ATF6B: variants seen among roughly 807,000 people sequenced by gnomAD.
The protein encoded by ATF6B is cyclic AMP-dependent transcription factor ATF-6 beta.
Under a neutral mutation model 83.5 loss-of-function variants are expected in ATF6B, and 50 were observed. That is an observed-to-expected ratio of 0.60 (90% CI 0.48 to 0.76). ATF6B has a LOEUF of 0.76. ATF6B is among the 30% of genes least tolerant of loss of function. ATF6B has a pLI of 0.00. For synonymous variants in ATF6B, 344 were observed against 362.8 expected (o/e 0.95, Z 0.59); for missense variants, 790 against 893.8 (o/e 0.88, Z 1.48).
chr6:32,118,942 C>T lies in ATF6B; in HGVS notation c.1152+14G>A. On this transcript the variant is annotated intron_variant, in intron 10 of 17. Transcript: ENST00000375203. This position sits in a 1 kb window ranked among gnomAD's most constrained non-coding sequence, Gnocchi z 5.2. ...TGTATTCCTGTTGGTCTCCCAGGGA[C>T]AGACTGGTCTTACTTCAGCCAGCAG... 6.2e-7 allele frequency: 1 copy of T among 1,614,032 alleles called. No homozygotes were observed. The highest frequency in any genetic ancestry group is 8.5e-7 in the Non-Finnish European group (1 of 1,179,896).
In ATF6B at chr6:32,117,189, C is replaced by A; in HGVS notation, c.1615-82G>T. 1 of 1,541,506 alleles carries A rather than the reference C, an allele frequency of 6.5e-7. No individual in the cohort carries two copies. Among genetic ancestry groups the A allele is most frequent in the Non-Finnish European group, 8.9e-7 (1 of 1,123,786 alleles). Reference sequence around the variant, plus strand: ...AAACAGCCCCTGGAAGCTGATGCCACCTCCCACTCAACCCTCCACTTCCTT... The same window carrying A: ...AAACAGCCCCTGGAAGCTGATGCCAACTCCCACTCAACCCTCCACTTCCTT... On this transcript the variant is annotated intron_variant, in intron 14 of 17. Transcript: ENST00000375203. The surrounding 1 kb of genome is among the most constrained non-coding windows in gnomAD (Gnocchi z 5.0).
intron 1 of ATF6B, 101 bp from the exon 2 acceptor site, chr6:32,127,851 C>T (rs1234623896): frequency 7.6e-7 from 1 of 1,314,744 alleles, no homozygotes; most frequent in Admixed American, 2.0e-5. Context: ...CTCGGCCAGA[C>T]CCACCGCCCG....
chr6:32,120,830 G>C lies in ATF6B; in HGVS notation c.773C>G (p.Ser258Cys). The stretch of plus-strand genomic sequence containing the variant: ...TGTGGTGCTGGGAGGCACAGCTCTG[G>C]ATGGCATTGGGACAGTGGTTAGCAC... ...PVVLTTVPMP[S>C]RAVPPSTTVL... The change falls in exon 8 of 18, where the codon TCC (serine) becomes TGC (cysteine). Residue 258 changes from serine (S) to cysteine (C), a missense_variant. Physicochemically the swap from Ser to Cys is moderately radical, Grantham distance 112 (BLOSUM62 -1). Coordinates refer to ENST00000375203, the MANE Select transcript of ATF6B (RefSeq NM_004381.5). 6.2e-7 allele frequency: 1 copy of C among 1,608,774 alleles called. No homozygotes were observed. The highest frequency in any genetic ancestry group is 1.1e-5 in the South Asian group (1 of 90,406).
chr6:32,127,088 A>T lies in ATF6B; in HGVS notation c.342+15T>A, dbSNP rs369779370. On this transcript the variant is annotated intron_variant, in intron 4 of 17. Transcript: ENST00000375203. ...GTCCCCGTCACAGAGAGTAAGAGGG[A>T]TATGGCTCTCTCACCTCGCTGGATG... is the stretch of plus-strand genomic sequence containing the variant. The T allele has an allele frequency of 6.4e-7, 1 of 1,568,150 alleles. No homozygotes were observed. Among genetic ancestry groups the T allele is most frequent in the Non-Finnish European group, 8.7e-7 (1 of 1,154,904 alleles).
rs1247250915 is a variant in ATF6B, at chr6:32,120,855, C to T, written c.748G>A (p.Val250Met). The T allele has an allele frequency of 6.3e-7, 1 of 1,579,466 alleles. No individual in the cohort carries two copies. The highest frequency in any genetic ancestry group is 1.4e-5 in the African/African-American group (1 of 73,542). The change falls in exon 8 of 18, where the codon GTG becomes ATG. Residue 250 changes from valine (V) to methionine (M), a missense_variant. Physicochemically the swap from Val to Met is conservative, Grantham distance 21 (BLOSUM62 1). Transcript: ENST00000375203. ...GATGGCATTGGGACAGTGGTTAGCA[C>T]TACAGGTTTGGGCTGCAGTGGCGGC... is the stretch of plus-strand genomic sequence containing the variant. Reference protein sequence around the residue: ...RKPPLQPKPVVLTTVPMPSRA... With the variant: ...RKPPLQPKPVMLTTVPMPSRA...
chr6:32,118,070 G>A lies in ATF6B; in HGVS notation c.1245-32C>T. On this transcript the variant is annotated intron_variant, in intron 11 of 17. Transcript: ENST00000375203. The surrounding 1 kb of genome is among the most constrained non-coding windows in gnomAD (Gnocchi z 5.2). ...ATAAAGAAGGACTGAGCACAATGAA[G>A]AATTTCAGCTGTATCAAGTATCTAG... 6.2e-7 allele frequency: 1 copy of A among 1,613,414 alleles called. No individual in the cohort carries two copies. Among genetic ancestry groups the A allele is most frequent in the South Asian group, 1.1e-5 (1 of 91,058 alleles).
chr6:32,127,514 C>T lies in ATF6B; in HGVS notation c.178G>A (p.Gly60Ser), dbSNP rs757832744. The T allele has an allele frequency of 6.2e-7, 1 of 1,613,150 alleles. No homozygotes were observed. Among genetic ancestry groups the T allele is most frequent in the Non-Finnish European group, 8.5e-7 (1 of 1,179,460 alleles). Residue 60 changes from glycine to serine, a missense_variant, in exon 3 of 18, where the codon GGC becomes AGC. Coordinates refer to ENST00000375203, the MANE Select transcript of ATF6B (RefSeq NM_004381.5). ...TCCATCCCCACGTCCAGGGAGCTGC[C>T]GTCAAACTAAATAAGGGAGGATACA... ...RCPEQDVPFDGSSLDVGMDVS... is the reference protein window; with the variant it reads ...RCPEQDVPFDSSSLDVGMDVS...
intron 5 of ATF6B, among the ~76,000 whole-genome samples, chr6:32,122,318 CTTG>C (rs1205213308): frequency 6.6e-6 from 1 of 152,174 alleles, no homozygotes; most frequent in Non-Finnish European, 1.5e-5. Flanking sequence ...GCCTTTATGA[CTTG>C]TTGATCACTC....
At chr6:32,121,657 C>T (rs1247511381) in intron 5 of ATF6B, among the ~76,000 whole-genome samples, 3 of 152,082 alleles carry the variant, frequency 2.0e-5, no homozygotes, top group Non-Finnish European at 4.4e-5. Context: ...GCCAAGATCG[C>T]GCCATTGCAC....
Position 32,117,976 on chromosome 6 carries a change from C to A in ATF6B, c.1307G>T (p.Arg436Leu). Residue 436 changes from arginine to leucine, a missense_variant, in exon 12 of 18, where the codon CGG becomes CTG. Coordinates refer to ENST00000375203, the MANE Select transcript of ATF6B (RefSeq NM_004381.5). This position sits in a 1 kb window ranked among gnomAD's most constrained non-coding sequence, Gnocchi z 5.0. ...CTCTGAGAACCCCAGCAAGTGTCTCCGGGGTTGAGGCTCCCCCTTGTTCAT... is the reference window on the plus strand; with the variant it reads ...CTCTGAGAACCCCAGCAAGTGTCTCAGGGGTTGAGGCTCCCCCTTGTTCAT... ...PRMNKGEPQP[R>L]RHLLGFSEQE... 6.2e-7 allele frequency: 1 copy of A among 1,613,934 alleles called. No homozygotes were observed.
rs747851218 is a variant in ATF6B at position 32,120,786 on chromosome 6, C to T, written c.817G>A (p.Val273Ile). 5.6e-6 allele frequency: 9 copies of T among 1,610,104 alleles called. No individual in the cohort carries two copies. The highest frequency in any genetic ancestry group is 3.3e-5 in the South Asian group (3 of 90,550). The change falls in exon 8 of 18, where the codon GTC becomes ATC. Residue 273 changes from valine (V) to isoleucine (I), a missense_variant. Val to Ile is a conservative substitution (Grantham distance 29). Around this residue, in one of 3 missense-constraint regions of ATF6B, gnomAD observed 530 missense variants for 632.6 expected, o/e 0.84. Coordinates refer to ENST00000375203, the MANE Select transcript of ATF6B (RefSeq NM_004381.5). Reference sequence around the variant, plus strand: ...TCTTCAGTACCTGGGGGTGGCTGGACGAGGGACTGCAGAAGGACTGTGGTG... The same window carrying T: ...TCTTCAGTACCTGGGGGTGGCTGGATGAGGGACTGCAGAAGGACTGTGGTG... ...PSTTVLLQSLVQPPPVSPVVL... is the reference protein window; with the variant it reads ...PSTTVLLQSLIQPPPVSPVVL...
rs1342920286 is a variant in ATF6B, at chr6:32,116,488, G to T, written c.1874C>A (p.Ala625Asp). The change falls in exon 17 of 18, where the codon GCC becomes GAC. Residue 625 changes from alanine to aspartate, a missense_variant. Physicochemically the swap from Ala to Asp is moderately radical, Grantham distance 126 (BLOSUM62 -2). Around this residue, in one of 3 missense-constraint regions of ATF6B, gnomAD observed 530 missense variants for 632.6 expected, o/e 0.84. Transcript: ENST00000375203. The surrounding 1 kb of genome is among the most constrained non-coding windows in gnomAD (Gnocchi z 5.1). ...PKMSLVMPAM[A>D]PNETLSGRGA... Reference sequence around the variant, plus strand: ...AGCAGGGAAAGAGTTACCATTGGGGGCCATGGCAGGCATCACCAGGGACAT... The same window carrying T: ...AGCAGGGAAAGAGTTACCATTGGGGTCCATGGCAGGCATCACCAGGGACAT... 2.5e-6 allele frequency: 4 copies of T among 1,609,602 alleles called. No individual in the cohort carries two copies. The highest frequency in any genetic ancestry group is 2.7e-5 in the African/African-American group (2 of 74,824).
chr6:32,117,638 T>C lies in ATF6B; in HGVS notation c.1481A>G (p.Gln494Arg). The C allele has an allele frequency of 6.2e-7, 1 of 1,614,130 alleles. No homozygotes were observed. Among genetic ancestry groups the C allele is most frequent in the Non-Finnish European group, 8.5e-7 (1 of 1,180,004 alleles). ...AKELLLRDLDQLFLSSDCRHF... is the reference protein window; with the variant it reads ...AKELLLRDLDRLFLSSDCRHF... The stretch of plus-strand genomic sequence containing the variant: ...CCGGCAATCAGAGGAGAGGAAGAGC[T>C]GGTCTAGGTCTCTTAGTAGTAGCTC... The change falls in exon 13 of 18, where the codon CAG becomes CGG. Residue 494 changes from glutamine (Q) to arginine (R), a missense_variant. Around this residue, in one of 3 missense-constraint regions of ATF6B, gnomAD observed 530 missense variants for 632.6 expected, o/e 0.84. Transcript: ENST00000375203. The surrounding 1 kb of genome is among the most constrained non-coding windows in gnomAD (Gnocchi z 5.0).
intron 1 of ATF6B, 113 bp downstream of exon 1, chr6:32,128,004 C>A: frequency 7.6e-7 from 1 of 1,321,718 alleles, no homozygotes; most frequent in Admixed American, 1.8e-5. Flanking sequence ...GCTCCGCTCT[C>A]CTTCAGATGG....
chr6:32,120,991 GA>G lies in ATF6B; in HGVS notation c.697del (p.Ser233GlnfsTer17), dbSNP rs1262097144. 8.5e-6 allele frequency: 13 copies of G among 1,522,022 alleles called. No homozygotes were observed. Among genetic ancestry groups the G allele is most frequent in the Non-Finnish European group, 9.7e-6 (11 of 1,136,744 alleles). 94.3% of individuals were successfully genotyped at this position (1,522,022 alleles called of 1,614,324 possible). The part of the protein sequence containing the change: ...ISMGPSLDGS[S>X]GKALPTRKPP... ...CAAGTGTCAGGAGACTCCATTACCTGAGGAGCCATCAAGGGATGGGCCCATG... is the reference window on the plus strand; with the variant it reads ...CAAGTGTCAGGAGACTCCATTACCTGGGAGCCATCAAGGGATGGGCCCATG... On this transcript the variant is annotated frameshift_variant, in exon 7 of 18. Transcript: ENST00000375203. LOFTEE classifies it high-confidence loss of function.
chr6:32,128,022 CG>C, intron 1 of ATF6B, 94 bp downstream of exon 1: 1 of 1,451,534 alleles, frequency 6.9e-7, no homozygotes, highest in Non-Finnish European at 9.6e-7. Flanking sequence ...TGGCGGATTC[CG>C]TATTTGCCCA....
intron 5 of ATF6B, among the ~76,000 whole-genome samples, chr6:32,124,242 C>T (rs975624473): frequency 1.2e-4 from 18 of 152,266 alleles, no homozygotes; most frequent in Admixed American, 7.9e-4. Flanking sequence ...ACGCTGAATT[C>T]ATCATCTTCC....
At chr6:32,127,271 TG>T (rs1782021026) in intron 3 of ATF6B, 77 bp from the exon 4 acceptor site, 2 of 1,422,934 alleles carry the variant, frequency 1.4e-6, no homozygotes, top group Non-Finnish European at 1.9e-6. Flanking sequence ...GACATGTCGG[TG>T]GGGATTCCTG....
In ATF6B at chr6:32,127,209, G is replaced by A. The variant is rs757968152; in HGVS notation, c.251-15C>T. The A allele has an allele frequency of 5.0e-6, 8 of 1,595,094 alleles. No individual in the cohort carries two copies. Among genetic ancestry groups the A allele is most frequent in the Non-Finnish European group, 6.8e-6 (8 of 1,169,454 alleles). ...CACCTGAAGATCTGGAGGAAAGGGA[G>A]TTAGAAATTATCAGGAAGCAGAGCT... On this transcript the variant is annotated splice_polypyrimidine_tract_variant and intron_variant, in intron 3 of 17. Coordinates refer to ENST00000375203, the MANE Select transcript of ATF6B (RefSeq NM_004381.5).
Sources: allele counts gnomAD v4.1 joint callset (sites outside exome capture counted in the v4.1 genomes callset), GRCh38; gene constraint gnomAD v4.1.1; regional missense constraint gnomAD v4.1.1; non-coding constraint Gnocchi (gnomAD v3.1); transcripts MANE v1.5; gene names NCBI Gene and HGNC (gene_info 2026-07-23, HGNC 2026-07-21).